ADAM33: variants seen among roughly 807,000 people sequenced by gnomAD.
The protein encoded by ADAM33 is disintegrin and metalloproteinase domain-containing protein 33.
A neutral mutation model predicts 106.2 loss-of-function variants in ADAM33; 103 were observed. The ratio of observed to expected loss-of-function variants is 0.97; its 90% confidence interval spans 0.83 to 1.14. ADAM33 has a LOEUF of 1.14. Among genes scored for constraint, ADAM33 ranks in the 50% most tolerant of loss-of-function variants. The pLI is 0.00. For missense variants in ADAM33, 1,120 were observed against 1,096.6 expected (o/e 1.02, Z -0.30); for synonymous variants, 483 against 453.0 (o/e 1.07, Z -0.84).
At chr20:3,671,825 C>T (rs2087555264) in intron 15 of ADAM33, 46 bp from the exon 16 acceptor site, 2 of 1,551,340 alleles carry the variant, frequency 1.3e-6, no homozygotes, top group Non-Finnish European at 1.7e-6. Flanking sequence ...TACCCCCCTT[C>T]CCCAAACCCA....
Position 3,672,844 on chromosome 20 carries a change from G to A in ADAM33, c.1188C>T (p.Phe396=), listed in dbSNP as rs1440417297. 8.9e-6 allele frequency: 14 copies of A among 1,576,368 alleles called. No individual in the cohort carries two copies. The highest frequency in any genetic ancestry group is 1.2e-5 in the Non-Finnish European group (14 of 1,168,864). ...GGCAAGCGCCGCCCCCCTTGCGGAAGAAGGCGCGCAGCTGGCGGCGGCTGC... is the reference window on the plus strand; with the variant it reads ...GGCAAGCGCCGCCCCCCTTGCGGAAAAAGGCGCGCAGCTGGCGGCGGCTGC... ...SACSRRQLRA[F]FRKGGGACLS... Residue 396 remains phenylalanine (F), a synonymous_variant, in exon 12 of 22, where the codon TTC becomes TTT. Coordinates refer to ENST00000356518, the MANE Select transcript of ADAM33 (RefSeq NM_025220.5).
At chr20:3,676,396 CTTTTTCT>C (rs909379755) in intron 3 of ADAM33, among the ~76,000 whole-genome samples, 4 of 152,038 alleles carry the variant, frequency 2.6e-5, no homozygotes, top group African/African-American at 9.7e-5. Context: ...GCCACTGCAT[CTTTTTCT>C]TTTTTCTTTT....
rs922606051 is a variant in ADAM33, at chr20:3,675,764, C to T, written c.255-659G>A. Among the ~76,000 whole-genome samples, 4 of 152,230 alleles carry T rather than the reference C, an allele frequency of 2.6e-5. No individual in the cohort carries two copies. Among genetic ancestry groups the T allele is most frequent in the Admixed American group, 6.5e-5 (1 of 15,296 alleles). On this transcript the variant is annotated intron_variant, in intron 3 of 21. Transcript: ENST00000356518. This position sits in a 1 kb window ranked among gnomAD's most constrained non-coding sequence, Gnocchi z 4.1. ...CCATCTCAACAGGATCTTTCCCACACGGATGGATCAATCATAAGTCAATCT... is the reference window on the plus strand; with the variant it reads ...CCATCTCAACAGGATCTTTCCCACATGGATGGATCAATCATAAGTCAATCT...
At chr20:3,673,706 GC>G in intron 9 of ADAM33, 38 bp downstream of exon 9, 3 of 1,368,818 alleles carry the variant, frequency 2.2e-6, no homozygotes, top group Non-Finnish European at 2.8e-6. Flanking sequence ...AGGTGAGGCC[GC>G]CCCACCCGGG....
chr20:3,674,042 C>G (rs757216097), intron 8 of ADAM33, 22 bp downstream of exon 8: 13 of 1,613,662 alleles, frequency 8.1e-6, no homozygotes, highest in Non-Finnish European at 1.0e-5. Context: ...CCCATCACCG[C>G]TCTCTCCCCG....
rs1331854388 is a variant in ADAM33 at position 3,673,856 on chromosome 20, T to A, written c.794A>T (p.Glu265Val). 1.9e-6 allele frequency: 3 copies of A among 1,571,650 alleles called. No individual in the cohort carries two copies. Among genetic ancestry groups the A allele is most frequent in the Non-Finnish European group, 2.6e-6 (3 of 1,166,682 alleles). ...CTGCGTGACGCGGCTGCGGTCCCGCTCGGTCCACACCTCCAGGCCGGTCAG... is the reference window on the plus strand; with the variant it reads ...CTGCGTGACGCGGCTGCGGTCCCGCACGGTCCACACCTCCAGGCCGGTCAG... ...VALTGLEVWT[E>V]RDRSRVTQDA... is the part of the protein sequence containing the mutation. Residue 265 changes from glutamate to valine, a missense_variant, in exon 9 of 22, where the codon GAG (glutamate) becomes GTG (valine). Coordinates refer to ENST00000356518, the MANE Select transcript of ADAM33 (RefSeq NM_025220.5).
chr20:3,673,102 G>C, intron 11 of ADAM33: 5 of 1,452,482 alleles, frequency 3.4e-6, no homozygotes, highest in South Asian at 1.4e-5. Context: ...AGGTGGAATC[G>C]CGACCCGACG....
intron 1 of ADAM33, among the ~76,000 whole-genome samples, chr20:3,680,476 C>A (rs2088391575): frequency 6.6e-6 from 1 of 152,206 alleles, no homozygotes; most frequent in African/African-American, 2.4e-5. Context: ...CCTTTTTTCT[C>A]CTCCACCTTC....
At chr20:3,670,825 T>A (rs2853209) in intron 19 of ADAM33, among the ~76,000 whole-genome samples, 181 bp downstream of exon 19, 63,187 of 152,048 alleles carry the variant, frequency 0.42, 14,055 homozygotes, top group South Asian at 0.56. Flanking sequence ...ATCCACCCCC[T>A]CGCTTGACTG....
chr20:3,669,754 A>AGATGGGTGC, intron 19 of ADAM33, 117 bp from the exon 20 acceptor site: 1 of 936,520 alleles, frequency 1.1e-6, no homozygotes, highest in Non-Finnish European at 1.7e-6. Flanking sequence ...TTCTTGGGGC[A>AGATGGGTGC]CCCATCTGCT....
At position 3,675,873 on chromosome 20, in the gene ADAM33, C is replaced by G. The variant is rs189917566; in HGVS notation, c.255-768G>C. Among the ~76,000 whole-genome samples, 62 of 152,216 alleles carry G rather than the reference C, an allele frequency of 4.1e-4. No individual in the cohort carries two copies. The East Asian group carries it at 0.012, about 28-fold the overall frequency. ...ACCCGCTAATGATGGCTGCTTCCCCCCTCCCAGGCATTCCACCACCTGCCC... is the reference window on the plus strand; with the variant it reads ...ACCCGCTAATGATGGCTGCTTCCCCGCTCCCAGGCATTCCACCACCTGCCC... On this transcript the variant is annotated intron_variant, in intron 3 of 21. Coordinates refer to ENST00000356518, the MANE Select transcript of ADAM33 (RefSeq NM_025220.5). This position sits in a 1 kb window ranked among gnomAD's most constrained non-coding sequence, Gnocchi z 4.1.
Position 3,677,144 on chromosome 20 carries a change from C to G in ADAM33, c.178-1G>C, listed in dbSNP as rs2088041698. The G allele has an allele frequency of 6.2e-7, 1 of 1,607,360 alleles. No individual in the cohort carries two copies. Among genetic ancestry groups the G allele is most frequent in the Non-Finnish European group, 8.5e-7 (1 of 1,176,724 alleles). The stretch of plus-strand genomic sequence containing the variant: ...CCAGCCCCATGTCTGGCTTCGAGAC[C>G]TGGGCAAGAAAATGTGTGGAGCTGA... On this transcript the variant is annotated splice_acceptor_variant, in intron 2 of 21. Coordinates refer to ENST00000356518, the MANE Select transcript of ADAM33 (RefSeq NM_025220.5). LOFTEE classifies it high-confidence loss of function.
chr20:3,673,193 A>C (rs1213581912), intron 11 of ADAM33, 161 bp downstream of exon 11: 3 of 1,524,746 alleles, frequency 2.0e-6, no homozygotes, highest in Non-Finnish European at 2.6e-6. Context: ...ACTTTGCCTG[A>C]GCTTCTTCCC....
Position 3,674,673 on chromosome 20 carries a change from C to T in ADAM33, c.431G>A (p.Arg144Lys), listed in dbSNP as rs372900104. ...SGMSGLITLS[R>K]NASYYLRPWP... ...GGGACGCAGATAATAGCTGGCATTC[C>T]TGCTGAGGGTGATCAGGCCACTAGG... The change falls in exon 6 of 22, where the codon AGG becomes AAG. Residue 144 changes from arginine to lysine, a missense_variant. Coordinates refer to ENST00000356518, the MANE Select transcript of ADAM33 (RefSeq NM_025220.5). The T allele has an allele frequency of 1.1e-5, 17 of 1,609,748 alleles. No homozygotes were observed. The East Asian group carries it at 1.1e-4, about 11-fold the overall frequency.
At position 3,673,634 on chromosome 20, in the gene ADAM33, T is replaced by G. The variant is rs1019497770; in HGVS notation, c.930A>C (p.Thr310=). 2 of 1,351,720 alleles carry G rather than the reference T, an allele frequency of 1.5e-6. No homozygotes were observed. The highest frequency in any genetic ancestry group is 3.1e-5 in the African/African-American group (2 of 64,934). 83.7% of individuals were successfully genotyped at this position (1,351,720 alleles called of 1,614,324 possible). A position where few individuals can be genotyped will look rare whatever the true frequency, so the allele number is the denominator to read the frequency against. ...LLTGRAFQGA[T]VGLAPVEGMC... is the part of the protein sequence containing the mutation. Reference sequence around the variant, plus strand: ...TGCCCTCGACGGGCGCCAGGCCCACTGTGGCGCCCTGGAAGGCGCGGCCCC... The same window carrying G: ...TGCCCTCGACGGGCGCCAGGCCCACGGTGGCGCCCTGGAAGGCGCGGCCCC... Residue 310 remains threonine (T), a synonymous_variant, in exon 10 of 22, where the codon ACA becomes ACC. Transcript: ENST00000356518.
At chr20:3,679,411 C>T (rs575701836) in intron 2 of ADAM33, 81 bp downstream of exon 2, 12 of 1,452,120 alleles carry the variant, frequency 8.3e-6, no homozygotes, top group Non-Finnish European at 1.0e-5. Context: ...CCCAGCAAAA[C>T]TAGAAGCTGT....
chr20:3,675,162 A>C lies in ADAM33; in HGVS notation c.255-57T>G. The C allele has an allele frequency of 7.3e-7, 1 of 1,368,006 alleles. No individual in the cohort carries two copies. 84.7% of individuals were successfully genotyped at this position (1,368,006 alleles called of 1,614,324 possible). A position where few individuals can be genotyped will look rare whatever the true frequency, so the allele number is the denominator to read the frequency against. On this transcript the variant is annotated intron_variant, in intron 3 of 21. Transcript: ENST00000356518. The surrounding 1 kb of genome is among the most constrained non-coding windows in gnomAD (Gnocchi z 4.1). ...TCAGCTTCCTCCTGCCTCCTCCAGG[A>C]TGTCTCCCAGCCTTCCTCCCTAAAT... is the stretch of plus-strand genomic sequence containing the variant.
chr20:3,672,126 C>T lies in ADAM33; in HGVS notation c.1597+8G>A. The stretch of plus-strand genomic sequence containing the variant: ...GGGCAGGGTGCAAGGGTGCTCGTGT[C>T]CTCTCACCAGGCCCCCAGAGCTGCT... On this transcript the variant is annotated splice_region_variant and intron_variant, in intron 14 of 21. Transcript: ENST00000356518. The T allele has an allele frequency of 6.2e-7, 1 of 1,607,166 alleles. No homozygotes were observed.
In ADAM33 at chr20:3,673,503, G is replaced by C. The variant is rs2271510; in HGVS notation, c.991-7C>G. 1.7e-5 allele frequency: 25 copies of C among 1,483,240 alleles called. No homozygotes were observed. Among genetic ancestry groups the C allele is most frequent in the Non-Finnish European group, 2.0e-5 (23 of 1,125,198 alleles). The allele number at this position is 1,483,240 out of a possible 1,614,324, so 91.9% of individuals were successfully genotyped here. ...TGGGGAGCTCCGAGTGGTCCTGGGG[G>C]GCCGTGGGAGGGCGGTCACTGCGGC... is the stretch of plus-strand genomic sequence containing the variant. On this transcript the variant is annotated splice_region_variant and splice_polypyrimidine_tract_variant and intron_variant, in intron 10 of 21. Coordinates refer to ENST00000356518, the MANE Select transcript of ADAM33 (RefSeq NM_025220.5).
Sources: allele counts gnomAD v4.1 joint callset (sites outside exome capture counted in the v4.1 genomes callset), GRCh38; gene constraint gnomAD v4.1.1; non-coding constraint Gnocchi (gnomAD v3.1); transcripts MANE v1.5; gene names NCBI Gene and HGNC (gene_info 2026-07-23, HGNC 2026-07-21).